ACACA: variants seen among roughly 807,000 people sequenced by gnomAD.
ACACA encodes acetyl-CoA carboxylase 1.
In ACACA, 103 loss-of-function variants were observed where a neutral mutation model predicts 296.1. The observed-to-expected ratio is 0.35, with a 90% confidence interval of 0.30 to 0.41. The LOEUF (loss-of-function observed/expected upper bound fraction) is 0.41, where lower values mean the gene tolerates loss of function less well. Among genes scored for constraint, ACACA ranks in the 10% least tolerant of loss-of-function variants. The pLI, the probability that ACACA is intolerant of heterozygous loss-of-function variation, is 1.00. For missense variants in ACACA, 1,554 were observed against 2,989.7 expected (o/e 0.52, Z 11.20); for synonymous variants, 953 against 1,038.6 (o/e 0.92, Z 1.58).
chr17:37,136,429 C>T lies in ACACA; in HGVS notation c.5680-6211G>A, dbSNP rs940902248. Reference sequence around the variant, plus strand: ...AGTAATATTCCATTTTATGGAAGTACCACAACTTGGTAACCCGTTTGCCTG... The same window carrying T: ...AGTAATATTCCATTTTATGGAAGTATCACAACTTGGTAACCCGTTTGCCTG... On this transcript the variant is annotated intron_variant, in intron 45 of 55. Transcript: ENST00000616317. 7.2e-5 allele frequency among the ~76,000 whole-genome samples: 11 copies of T among 152,226 alleles called. No homozygotes were observed. The East Asian group carries it at 7.7e-4, about 11-fold the overall frequency.
At chr17:37,302,271 C>G (rs955223240) in intron 3 of ACACA, among the ~76,000 whole-genome samples, 8 of 150,474 alleles carry the variant, frequency 5.3e-5, no homozygotes, top group Admixed American at 1.3e-4. Flanking sequence ...GGCGCGATCT[C>G]GGCTCACTGC....
intron 30 of ACACA, among the ~76,000 whole-genome samples, chr17:37,208,709 A>C (rs2078618764): frequency 6.6e-6 from 1 of 152,186 alleles, no homozygotes; most frequent in South Asian, 2.1e-4. Context: ...ATGTACCTTA[A>C]CAGTATGTAC....
chr17:37,146,729 G>C (rs893487572), intron 45 of ACACA, among the ~76,000 whole-genome samples: 2 of 147,046 alleles, frequency 1.4e-5, no homozygotes, highest in African/African-American at 5.0e-5. Flanking sequence ...AAGGAGGGGG[G>C]AGAGAGAGAG....
At chr17:37,229,927 C>T (rs763225525) in intron 25 of ACACA, among the ~76,000 whole-genome samples, 19 of 151,146 alleles carry the variant, frequency 1.3e-4, no homozygotes, top group Admixed American at 8.6e-4. Context: ...ATTAGCTGGG[C>T]GTGGTGGCGC....
intron 33 of ACACA, among the ~76,000 whole-genome samples, chr17:37,202,694 TATATATATATATATATATACAC>T (rs1434069986): frequency 0.046 from 874 of 18,804 alleles, 47 homozygotes; most frequent in South Asian, 0.11. Flanking sequence ...TATATATATA[TATATATATATATATATATACAC>T]ACACACATAT....
intron 5 of ACACA, among the ~76,000 whole-genome samples, chr17:37,280,487 G>A (rs1487333338): frequency 1.3e-5 from 2 of 152,098 alleles, no homozygotes; most frequent in African/African-American, 2.4e-5. Context: ...GATTACAGGC[G>A]TAAACCACCA....
intron 1 of ACACA, among the ~76,000 whole-genome samples, chr17:37,384,994 T>C (rs1341978703): frequency 6.6e-6 from 1 of 152,228 alleles, no homozygotes; most frequent in Non-Finnish European, 1.5e-5. Flanking sequence ...AGGTCAATTC[T>C]GGAGACGAGT....
Position 37,330,293 on chromosome 17 carries a change from A to G in ACACA, c.218T>C (p.Leu73Pro). The G allele has an allele frequency of 6.2e-7, 1 of 1,614,216 alleles. No individual in the cohort carries two copies. The highest frequency in any genetic ancestry group is 1.1e-5 in the South Asian group (1 of 91,084). ...EDNSEDEISN[L>P]VKLDLLEEKE... ...CTCCTCCAGTAGGTCCAACTTCACCAGGTTGCTGATCTCATCCTCTGAGTT... is the reference window on the plus strand; with the variant it reads ...CTCCTCCAGTAGGTCCAACTTCACCGGGTTGCTGATCTCATCCTCTGAGTT... Residue 73 changes from leucine (L) to proline (P), a missense_variant, in exon 3 of 56, where the codon CTG (leucine) becomes CCG (proline). Coordinates refer to ENST00000616317, the MANE Select transcript of ACACA (RefSeq NM_198834.3).
chr17:37,247,979 G>A, intron 18 of ACACA, 32 bp downstream of exon 18: 1 of 1,613,166 alleles, frequency 6.2e-7, no homozygotes, highest in East Asian at 2.2e-5. Context: ...CTAACAGGAT[G>A]ACCAGCAAAT....
chr17:37,292,657 G>A (rs972976163), intron 3 of ACACA, among the ~76,000 whole-genome samples: 2 of 152,110 alleles, frequency 1.3e-5, no homozygotes, highest in African/African-American at 2.4e-5. Flanking sequence ...GGAATTCAAG[G>A]CCAGCCTTGC....
chr17:37,344,683 C>A (rs2048536425), intron 1 of ACACA, among the ~76,000 whole-genome samples: 1 of 152,088 alleles, frequency 6.6e-6, no homozygotes, highest in Admixed American at 6.6e-5. Flanking sequence ...GACAGAAGAG[C>A]AATAAATGAC....
At chr17:37,163,253 C>T (rs2076540044) in intron 41 of ACACA, 1 of 147,500 alleles carries the variant, frequency 6.8e-6, no homozygotes, top group Non-Finnish European at 1.5e-5. Flanking sequence ...TCTCTTGCTC[C>T]CTCTCACCTC....
intron 12 of ACACA, among the ~76,000 whole-genome samples, chr17:37,259,104 T>C (rs148752456): frequency 1.3e-5 from 2 of 152,318 alleles, no homozygotes; most frequent in Admixed American, 6.5e-5. Flanking sequence ...GAATAAAGCA[T>C]ACATTATTAA....
Position 37,088,955 on chromosome 17 carries a change from G to A in ACACA, c.7011C>T (p.Val2337=), listed in dbSNP as rs201706214. ...ENIKCISRDY[V]LKQIRSLVQA... is the part of the protein sequence containing the mutation. The stretch of plus-strand genomic sequence containing the variant: ...GGTCTCACCTGCGGATTTGCTTGAG[G>A]ACGTAGTCTCTGCTGATGCATTTGA... Residue 2337 remains valine (V), a synonymous_variant, in exon 55 of 56, where the codon GTC becomes GTT. Coordinates refer to ENST00000616317, the MANE Select transcript of ACACA (RefSeq NM_198834.3). 7.4e-6 allele frequency: 12 copies of A among 1,614,226 alleles called. No individual in the cohort carries two copies. Among genetic ancestry groups the A allele is most frequent in the Non-Finnish European group, 1.0e-5 (12 of 1,180,050 alleles).
intron 2 of ACACA, among the ~76,000 whole-genome samples, chr17:37,335,659 G>C (rs1305722060): frequency 2.0e-5 from 3 of 152,102 alleles, no homozygotes; most frequent in African/African-American, 7.2e-5. Flanking sequence ...AGGAGTGCTA[G>C]GCGGAGTAGC....
chr17:37,295,961 G>T (rs1468887003), intron 3 of ACACA, among the ~76,000 whole-genome samples: 1 of 151,958 alleles, frequency 6.6e-6, no homozygotes, highest in East Asian at 1.9e-4. Context: ...ATAAAAAAAA[G>T]AAAATGAAAG....
At chr17:37,377,663 A>AAATT (rs1198768009) in intron 1 of ACACA, among the ~76,000 whole-genome samples, 1 of 32,904 alleles carries the variant, frequency 3.0e-5, no homozygotes, top group African/African-American at 1.6e-4. Context: ...CCGTCTCAAT[A>AAATT]AATAAATAAA....
At chr17:37,139,935 G>A (rs1166302019) in intron 45 of ACACA, among the ~76,000 whole-genome samples, 1 of 152,184 alleles carries the variant, frequency 6.6e-6, no homozygotes, top group Admixed American at 6.5e-5. Flanking sequence ...TTTCCAATTG[G>A]TCATATCACA....
At chr17:37,331,142 G>C (rs1215039607) in intron 2 of ACACA, among the ~76,000 whole-genome samples, 1 of 149,468 alleles carries the variant, frequency 6.7e-6, no homozygotes, top group East Asian at 2.0e-4. Flanking sequence ...TTTAGAGACG[G>C]AGTCTCGCTC....
Sources: allele counts gnomAD v4.1 joint callset (sites outside exome capture counted in the v4.1 genomes callset), GRCh38; gene constraint gnomAD v4.1.1; transcripts MANE v1.5; gene names NCBI Gene and HGNC (gene_info 2026-07-23, HGNC 2026-07-21).